Variants in MKX observed in about 807,000 individuals in gnomAD.
The protein encoded by MKX is mohawk homeobox, also known as homeobox protein Mohawk.
MKX carries 13 observed loss-of-function variants against 36.0 expected under a neutral mutation model. The observed-to-expected ratio is 0.36, with a 90% confidence interval of 0.24 to 0.57. The LOEUF is 0.57. MKX is among the 20% of genes least tolerant of loss of function. The pLI is 0.79. For synonymous variants in MKX, 176 were observed against 178.3 expected, an observed-to-expected ratio of 0.99 and a Z score of 0.10; for missense variants, 458 against 456.4, an observed-to-expected ratio of 1.00 and a Z score of -0.03.
At chr10:27,736,050 T>A (rs1286390890) in intron 3 of MKX, among the ~76,000 whole-genome samples, 1 of 152,134 alleles carries the variant, frequency 6.6e-6, no homozygotes, top group Non-Finnish European at 1.5e-5. Flanking sequence ...TGGTGACATG[T>A]CTGGTAAGAA....
In MKX at chr10:27,722,501, C is replaced by T. The variant is rs183158002; in HGVS notation, c.838+11955G>A. Reference sequence around the variant, plus strand: ...CATCTTCGTTTTACAGCTAAAGGAACGAAAGCCATGATTAATAAAGGGACT... The same window carrying T: ...CATCTTCGTTTTACAGCTAAAGGAATGAAAGCCATGATTAATAAAGGGACT... On this transcript the variant is annotated intron_variant, in intron 5 of 6. Coordinates refer to ENST00000419761, the MANE Select transcript of MKX (RefSeq NM_173576.3). Among the ~76,000 whole-genome samples the T allele has an allele frequency of 4.4e-3, 673 of 152,286 alleles. 20 individuals are homozygous for T. The highest frequency in any genetic ancestry group is 0.039 in the Admixed American group (600 of 15,296).
intron 5 of MKX, among the ~76,000 whole-genome samples, chr10:27,716,445 A>G (rs1316271129): frequency 6.6e-6 from 1 of 151,324 alleles, no homozygotes; most frequent in African/African-American, 2.4e-5. Flanking sequence ...GCAAAAAAAA[A>G]AAAAAGCACA....
At chr10:27,700,482 T>C (rs1013167459) in intron 5 of MKX, among the ~76,000 whole-genome samples, 6 of 152,208 alleles carry the variant, frequency 3.9e-5, no homozygotes, top group Non-Finnish European at 8.8e-5. Context: ...TACCACTGTA[T>C]CTTACACTAA....
intron 5 of MKX, among the ~76,000 whole-genome samples, chr10:27,685,960 A>G (rs889474449): frequency 6.6e-6 from 1 of 152,188 alleles, no homozygotes; most frequent in African/African-American, 2.4e-5. Context: ...AAAGGAAGAA[A>G]AGAAAAACCA....
At chr10:27,684,988 G>T (rs1267092630) in intron 5 of MKX, among the ~76,000 whole-genome samples, 2 of 152,168 alleles carry the variant, frequency 1.3e-5, no homozygotes, top group Admixed American at 6.5e-5. Flanking sequence ...TGCCAGAAAC[G>T]ATACAAATGT....
chr10:27,719,871 C>T (rs1834336633), intron 5 of MKX, among the ~76,000 whole-genome samples: 1 of 151,298 alleles, frequency 6.6e-6, no homozygotes, highest in South Asian at 2.1e-4. Flanking sequence ...GCCTGTAATC[C>T]CAGCTACTCT....
intron 5 of MKX, among the ~76,000 whole-genome samples, chr10:27,702,178 T>G (rs867109266): frequency 1.2e-4 from 18 of 152,094 alleles, no homozygotes; most frequent in Middle Eastern, 3.4e-3. Flanking sequence ...GCCAAAAGCA[T>G]CTCCCAAAGC....
Position 27,743,473 on chromosome 10 carries a change from G to A in MKX, c.-58C>T. On this transcript the variant is annotated 5_prime_UTR_variant, in exon 2 of 7. Transcript: ENST00000419761. The stretch of plus-strand genomic sequence containing the variant: ...GCAGAGCCTCGGGGCTGGGCCGCCG[G>A]GAGCTCCGCAGCGGGGCTCGGCTTC... 1.4e-6 allele frequency: 2 copies of A among 1,457,152 alleles called. No homozygotes were observed. The highest frequency in any genetic ancestry group is 1.4e-5 in the South Asian group (1 of 70,828). 90.3% of individuals were successfully genotyped at this position (1,457,152 alleles called of 1,614,324 possible).
At chr10:27,738,020 T>C (rs545183796) in intron 3 of MKX, among the ~76,000 whole-genome samples, 3 of 152,128 alleles carry the variant, frequency 2.0e-5, no homozygotes, top group Non-Finnish European at 4.4e-5. Flanking sequence ...ATAGGAGTCA[T>C]ATCTCTTTTA....
intron 5 of MKX, among the ~76,000 whole-genome samples, chr10:27,680,702 G>A (rs556617057): frequency 1.1e-4 from 17 of 151,950 alleles, no homozygotes; most frequent in Admixed American, 8.5e-4. Flanking sequence ...AGCTGTAAAG[G>A]GAAAAATGTT....
chr10:27,705,506 CA>C (rs2132533524), intron 5 of MKX, among the ~76,000 whole-genome samples: 1 of 152,228 alleles, frequency 6.6e-6, no homozygotes, highest in African/African-American at 2.4e-5. Flanking sequence ...AGGTGTGCAC[CA>C]CCATGCCTGG....
Position 27,711,429 on chromosome 10 carries a change from CTCTTTCTTTCTTTCTTTCTTTCTT to C in MKX, c.838+23003_838+23026del, listed in dbSNP as rs749757379. On this transcript the variant is annotated intron_variant, in intron 5 of 6. Transcript: ENST00000419761. ...CTTTCCTTCTTTCTTTCTTTCTTTTCTCTTTCTTTCTTTCTTTCTTTCTTTCTTTCTTTCTTTCTTTCTTTCTTT... is the reference window on the plus strand; with the variant it reads ...CTTTCCTTCTTTCTTTCTTTCTTTTCTCTTTCTTTCTTTCTTTCTTTCTTT... Among the ~76,000 whole-genome samples, 422 of 114,634 alleles carry C rather than the reference CTCTTTCTTTCTTTCTTTCTTTCTT, an allele frequency of 3.7e-3. 2 individuals are homozygous for C. Among genetic ancestry groups the C allele is most frequent in the Admixed American group, 4.5e-3 (50 of 11,156 alleles). 75.2% of individuals were successfully genotyped at this position (114,634 alleles called of 152,430 possible). A position where few individuals can be genotyped will look rare whatever the true frequency, so the allele number is the denominator to read the frequency against.
Position 27,675,128 on chromosome 10 carries a change from G to A in MKX, c.*101C>T. The A allele has an allele frequency of 2.7e-6, 3 of 1,114,120 alleles. No homozygotes were observed. The highest frequency in any genetic ancestry group is 1.6e-5 in the South Asian group (1 of 63,452). 69.0% of individuals were successfully genotyped at this position (1,114,120 alleles called of 1,614,324 possible). On this transcript the variant is annotated 3_prime_UTR_variant, in exon 7 of 7. Coordinates refer to ENST00000419761, the MANE Select transcript of MKX (RefSeq NM_173576.3). ...TTGGGATAATTAAAAATAAGAAGAG[G>A]TTTGGGAGAGAGTCATTTTCATCCC...
Position 27,741,842 on chromosome 10 carries a change from C to T in MKX, c.189-338G>A, listed in dbSNP as rs533105854. On this transcript the variant is annotated intron_variant, in intron 2 of 6. Transcript: ENST00000419761. This position sits in a 1 kb window ranked among gnomAD's most constrained non-coding sequence, Gnocchi z 5.1. ...GCGGGGCTAACTGCTACCCTTCCCT[C>T]ACCCGCTGGCGCCGCACCCTCGAGT... 2.0e-5 allele frequency among the ~76,000 whole-genome samples: 3 copies of T among 152,352 alleles called. No homozygotes were observed. In the South Asian group the frequency reaches 6.2e-4, roughly 32 times the overall value.
rs942610403 is a variant in MKX, at chr10:27,744,612, C to G, written c.-83+1095G>C. On this transcript the variant is annotated intron_variant, in intron 1 of 6. Coordinates refer to ENST00000419761, the MANE Select transcript of MKX (RefSeq NM_173576.3). This position sits in a 1 kb window ranked among gnomAD's most constrained non-coding sequence, Gnocchi z 5.6. ...CCTCGCCTCGCGCCTCGGGACAGCT[C>G]CCGTTTCCTCCGAGCGGCCTCAGCT... is the stretch of plus-strand genomic sequence containing the variant. Among the ~76,000 whole-genome samples, 1 of 152,152 alleles carries G rather than the reference C, an allele frequency of 6.6e-6. No homozygotes were observed. The highest frequency in any genetic ancestry group is 2.4e-5 in the African/African-American group (1 of 41,446).
intron 5 of MKX, among the ~76,000 whole-genome samples, chr10:27,692,968 G>T (rs573289789): frequency 6.6e-6 from 1 of 152,346 alleles, no homozygotes; most frequent in South Asian, 2.1e-4. Flanking sequence ...CTGAGGCAGA[G>T]CACAGAGGTT....
At chr10:27,681,739 G>A (rs1836258789) in intron 5 of MKX, among the ~76,000 whole-genome samples, 1 of 151,984 alleles carries the variant, frequency 6.6e-6, no homozygotes. Flanking sequence ...GGCCAACATG[G>A]TGAAACCCTG....
At chr10:27,683,665 G>T (rs756297668) in intron 5 of MKX, among the ~76,000 whole-genome samples, 35 of 152,338 alleles carry the variant, frequency 2.3e-4, no homozygotes, top group Middle Eastern at 3.4e-3. Context: ...TTTGATAGCA[G>T]GTGTGCAGAG....
intron 5 of MKX, among the ~76,000 whole-genome samples, chr10:27,699,887 T>C (rs951557819): frequency 6.6e-6 from 1 of 152,228 alleles, no homozygotes; most frequent in African/African-American, 2.4e-5. Context: ...TCCAAGGTCA[T>C]ATGCTATTGG....
Sources: allele counts gnomAD v4.1 joint callset (sites outside exome capture counted in the v4.1 genomes callset), GRCh38; gene constraint gnomAD v4.1.1; non-coding constraint Gnocchi (gnomAD v3.1); transcripts MANE v1.5; gene names NCBI Gene and HGNC (gene_info 2026-07-23, HGNC 2026-07-21).